Variants in RFTN1 observed in about 807,000 individuals in gnomAD.
The protein encoded by RFTN1 is raftlin.
Under a neutral mutation model 46.5 loss-of-function variants are expected in RFTN1, and 26 were observed. The ratio of observed to expected loss-of-function variants is 0.56; its 90% CI spans 0.41 to 0.78. The LOEUF is 0.78. Among genes scored for constraint, RFTN1 ranks in the 30% least tolerant of loss-of-function variants. The pLI is 0.00. For synonymous variants in RFTN1, 261 were observed against 284.2 expected (o/e 0.92, Z 0.82); for missense variants, 693 against 718.7 (o/e 0.96, Z 0.41).
intron 3 of RFTN1, among the ~76,000 whole-genome samples, chr3:16,431,501 A>G (rs1237212806): frequency 8.0e-6 from 1 of 124,960 alleles, no homozygotes; most frequent in Non-Finnish European, 1.9e-5. Context: ...CAGCAGGGAG[A>G]AAAAAAAAAA....
chr3:16,456,835 T>G (rs535083072), intron 2 of RFTN1, among the ~76,000 whole-genome samples: 2 of 152,316 alleles, frequency 1.3e-5, no homozygotes, highest in African/African-American at 2.4e-5. Flanking sequence ...TTGAAAATAG[T>G]TGGGACCTTA....
chr3:16,461,088 T>C (rs1300221615), intron 2 of RFTN1, among the ~76,000 whole-genome samples: 12 of 152,238 alleles, frequency 7.9e-5, no homozygotes, highest in African/African-American at 2.9e-4. Context: ...AAGTTAAATG[T>C]TTGTGATCCA....
intron 3 of RFTN1, among the ~76,000 whole-genome samples, chr3:16,432,937 A>G (rs1303931229): frequency 6.6e-6 from 1 of 152,212 alleles, no homozygotes; most frequent in Non-Finnish European, 1.5e-5. Context: ...CATGCCTCAC[A>G]GCTGTCCCTT....
intron 4 of RFTN1, 75 bp from the exon 5 acceptor site, chr3:16,378,177 C>T (rs572321611): frequency 1.3e-5 from 17 of 1,329,292 alleles, no homozygotes; most frequent in African/African-American, 4.3e-5. Context: ...GCGTGCAAAG[C>T]GCCTCCCCGA....
Position 16,345,378 on chromosome 3 carries a change from A to G in RFTN1, c.1146+12554T>C, listed in dbSNP as rs925934000. ...AAAACCTAAAGATATAGCCCCTGTTATCACATTGAGCCCTTAACTTGCCAC... is the reference window on the plus strand; with the variant it reads ...AAAACCTAAAGATATAGCCCCTGTTGTCACATTGAGCCCTTAACTTGCCAC... On this transcript the variant is annotated intron_variant, in intron 7 of 9. Transcript: ENST00000334133. This position sits in a 1 kb window ranked among gnomAD's most constrained non-coding sequence, Gnocchi z 5.2. 4 of 151,950 alleles carry G rather than the reference A, an allele frequency of 2.6e-5. No individual in the cohort carries two copies. Among genetic ancestry groups the G allele is most frequent in the African/African-American group, 9.7e-5 (4 of 41,330 alleles). The allele number at this position is 151,950 out of a possible 1,614,324, so 9.4% of individuals were successfully genotyped here. A position where few individuals can be genotyped will look rare whatever the true frequency, so the allele number is the denominator to read the frequency against.
chr3:16,511,222 G>C (rs79704898), intron 1 of RFTN1, among the ~76,000 whole-genome samples: 3,422 of 152,268 alleles, frequency 0.022, 122 homozygotes, highest in African/African-American at 0.077. Context: ...GCATGCATCT[G>C]TCAAAACATT....
At chr3:16,436,420 T>A (rs2075517536) in intron 2 of RFTN1, among the ~76,000 whole-genome samples, 2 of 151,828 alleles carry the variant, frequency 1.3e-5, no homozygotes, top group African/African-American at 4.8e-5. Context: ...GCGGTGGTGC[T>A]ATCCCCGCTC....
intron 4 of RFTN1, among the ~76,000 whole-genome samples, chr3:16,403,781 T>C (rs1253091130): frequency 8.5e-5 from 1 of 11,724 alleles, no homozygotes; most frequent in African/African-American, 4.0e-4. Context: ...TAATATATAT[T>C]ATATATTTTA....
chr3:16,319,191 T>C (rs971233313), intron 9 of RFTN1, among the ~76,000 whole-genome samples: 6 of 152,264 alleles, frequency 3.9e-5, no homozygotes, highest in African/African-American at 1.4e-4. Flanking sequence ...TATATCATTT[T>C]ACGTGTTTTT....
intron 3 of RFTN1, among the ~76,000 whole-genome samples, chr3:16,432,562 C>T (rs939443844): frequency 2.6e-5 from 4 of 151,976 alleles, no homozygotes; most frequent in African/African-American, 7.2e-5. Flanking sequence ...TGCAGCCAGG[C>T]TCAGTGGCTC....
At chr3:16,318,592 TTC>T (rs2068693319) in intron 9 of RFTN1, among the ~76,000 whole-genome samples, 1 of 146,586 alleles carries the variant, frequency 6.8e-6, no homozygotes, top group African/African-American at 2.4e-5. Flanking sequence ...AAACACAGAA[TTC>T]TGAGATTTAA....
intron 7 of RFTN1, 42 bp downstream of exon 7, chr3:16,357,890 C>T (rs779976497): frequency 2.5e-6 from 3 of 1,213,216 alleles, no homozygotes; most frequent in Non-Finnish European, 3.7e-6. Context: ...AAAACAAGTG[C>T]TGTCTAAACA....
chr3:16,467,168 C>A (rs2076110692), intron 2 of RFTN1, among the ~76,000 whole-genome samples: 1 of 151,800 alleles, frequency 6.6e-6, no homozygotes, highest in African/African-American at 2.4e-5. Context: ...AGCCTGGGAA[C>A]CAGTGGGAGG....
chr3:16,345,826 GCGTGCGCGCA>G lies in RFTN1; in HGVS notation c.1146+12096_1146+12105del, dbSNP rs1231177686. Among the ~76,000 whole-genome samples the G allele has an allele frequency of 5.8e-4, 43 of 73,898 alleles. No homozygotes were observed. The South Asian group carries it at 6.1e-3, about 10-fold the overall frequency. 48.5% of individuals were successfully genotyped at this position (73,898 alleles called of 152,430 possible). A position where few individuals can be genotyped will look rare whatever the true frequency, so the allele number is the denominator to read the frequency against. ...TGTGTGTGTGTGTGTGTGCGCGCGCGCGTGCGCGCACGCGCACATGTGCATGTGTATGTGT... is the reference window on the plus strand; with the variant it reads ...TGTGTGTGTGTGTGTGTGCGCGCGCGCGCGCACATGTGCATGTGTATGTGT... On this transcript the variant is annotated intron_variant, in intron 7 of 9. Coordinates refer to ENST00000334133, the MANE Select transcript of RFTN1 (RefSeq NM_015150.2). This position sits in a 1 kb window ranked among gnomAD's most constrained non-coding sequence, Gnocchi z 5.2.
At chr3:16,367,091 C>A (rs1180700701) in intron 6 of RFTN1, among the ~76,000 whole-genome samples, 1 of 152,216 alleles carries the variant, frequency 6.6e-6, no homozygotes, top group African/African-American at 2.4e-5. Context: ...GTTTATGGGA[C>A]ACAGTTCTCA....
intron 2 of RFTN1, among the ~76,000 whole-genome samples, chr3:16,469,009 T>C (rs901655192): frequency 2.0e-5 from 3 of 152,248 alleles, no homozygotes; most frequent in East Asian, 1.9e-4. Context: ...GGAGTTTCCT[T>C]TGGCCACAGG....
rs568554406 is a variant in RFTN1 at position 16,476,970 on chromosome 3, A to G, written c.145+16755T>C. ...GCGGATGACGACACCAAGATTTCCC[A>G]TTTTCTCTCCACAGGGAGGCTGTCA... On this transcript the variant is annotated intron_variant, in intron 2 of 9. Coordinates refer to ENST00000334133, the MANE Select transcript of RFTN1 (RefSeq NM_015150.2). 9.1e-4 allele frequency among the ~76,000 whole-genome samples: 139 copies of G among 152,196 alleles called. 1 individual carries two copies. The highest frequency in any genetic ancestry group is 3.4e-3 in the Middle Eastern group (1 of 294).
At chr3:16,505,142 A>G (rs1289602222) in intron 1 of RFTN1, among the ~76,000 whole-genome samples, 1 of 151,966 alleles carries the variant, frequency 6.6e-6, no homozygotes, top group Non-Finnish European at 1.5e-5. Flanking sequence ...TCCCACATTA[A>G]CCATTTTACA....
intron 4 of RFTN1, among the ~76,000 whole-genome samples, chr3:16,399,845 C>G (rs1033923938): frequency 2.0e-5 from 3 of 152,190 alleles, no homozygotes; most frequent in African/African-American, 7.2e-5. Flanking sequence ...CTCCACGGTG[C>G]CTCGTTACCC....
Sources: gnomAD v4.1 joint callset for allele counts (sites outside exome capture counted in the v4.1 genomes callset) on GRCh38, gnomAD v4.1.1 for gene constraint, Gnocchi (gnomAD v3.1) non-coding constraint, MANE v1.5 for transcripts, NCBI Gene and HGNC (gene_info 2026-07-23, HGNC 2026-07-21) for gene names.